SLC26A4: variants seen among roughly 807,000 people sequenced by gnomAD.
SLC26A4 encodes the protein solute carrier family 26 member 4, also known as pendrin.
In SLC26A4, 93 loss-of-function variants were observed where a neutral mutation model predicts 90.4. That is an observed-to-expected ratio of 1.03 (90% CI 0.87 to 1.22). SLC26A4 has a LOEUF of 1.22. Among genes scored for constraint, SLC26A4 ranks in the 50% most tolerant of loss-of-function variants. SLC26A4 has a pLI of 0.00. For synonymous variants in SLC26A4, 393 were observed against 354.6 expected (o/e 1.11, Z -1.22); for missense variants, 1,127 against 946.2 (o/e 1.19, Z -2.51).
At chr7:107,694,881 T>C (rs140092905) in intron 12 of SLC26A4, among the ~76,000 whole-genome samples, 165 bp downstream of exon 12, 10 of 152,310 alleles carry the variant, frequency 6.6e-5, no homozygotes, top group African/African-American at 2.2e-4. Context: ...AAGTCTTCCA[T>C]GTGAACTGCA....
In SLC26A4 at chr7:107,661,665, G is replaced by A. The variant is rs1415032673; in HGVS notation, c.24G>A (p.Ser8=). The change falls in exon 2 of 21, where the codon TCG becomes TCA. Residue 8 remains serine (S), a synonymous_variant. Transcript: ENST00000644269. This position sits in a 1 kb window ranked among gnomAD's most constrained non-coding sequence, Gnocchi z 5.1. ...TCATGGCAGCGCCAGGCGGCAGGTC[G>A]GAGCCGCCGCAGCTCCCCGAGTACA... MAAPGGR[S]EPPQLPEYSC... is the part of the protein sequence containing the mutation. The A allele has an allele frequency of 5.7e-6, 9 of 1,568,836 alleles. No homozygotes were observed. The highest frequency in any genetic ancestry group is 7.7e-6 in the Non-Finnish European group (9 of 1,162,758).
At chr7:107,711,867 T>C (rs779200300) in intron 19 of SLC26A4, among the ~76,000 whole-genome samples, 13 of 152,238 alleles carry the variant, frequency 8.5e-5, no homozygotes, top group Non-Finnish European at 1.9e-4. Context: ...ATTCTCATAC[T>C]AGCTAAGAGA....
chr7:107,690,306 G>A (rs951819192), intron 10 of SLC26A4, 69 bp downstream of exon 10: 7 of 946,188 alleles, frequency 7.4e-6, no homozygotes, highest in East Asian at 2.4e-5. Flanking sequence ...AGGAAGGCTC[G>A]CACCGAGCTT....
intron 18 of SLC26A4, among the ~76,000 whole-genome samples, chr7:107,708,948 T>G (rs1792106004): frequency 6.6e-6 from 1 of 152,104 alleles, no homozygotes; most frequent in African/African-American, 2.4e-5. Flanking sequence ...AATGTATGTG[T>G]GTAGGAAAGT....
intron 19 of SLC26A4, among the ~76,000 whole-genome samples, chr7:107,711,259 G>T (rs2129320179): frequency 6.6e-6 from 1 of 152,122 alleles, no homozygotes; most frequent in East Asian, 1.9e-4. Context: ...ACCCATAGGT[G>T]ATAAGAAAGT....
intron 14 of SLC26A4, 110 bp from the exon 15 acceptor site, chr7:107,699,973 C>A: frequency 1.5e-5 from 11 of 745,882 alleles, no homozygotes; most frequent in South Asian, 1.4e-4. Context: ...GTGCTGCTAC[C>A]CAGCTCCTCT....
In SLC26A4 at chr7:107,715,714, AT is replaced by A. The variant is rs1792329014; in HGVS notation, c.*269del. 1.9e-6 allele frequency: 1 copy of A among 524,610 alleles called. No individual in the cohort carries two copies. Among genetic ancestry groups the A allele is most frequent in the Non-Finnish European group, 3.4e-6 (1 of 291,244 alleles). The allele number at this position is 524,610 out of a possible 1,614,324, so 32.5% of individuals were successfully genotyped here. ...GCTGATCTACATCACAGATTTGCTA[AT>A]AATGTTCACGTGGGCCCTGGCATAT... On this transcript the variant is annotated 3_prime_UTR_variant, in exon 21 of 21. Transcript: ENST00000644269.
At chr7:107,702,168 G>A (rs1010401291) in intron 17 of SLC26A4, 111 bp downstream of exon 17, 15 of 755,710 alleles carry the variant, frequency 2.0e-5, no homozygotes, top group Non-Finnish European at 2.8e-5. Flanking sequence ...AATTTTTCTA[G>A]GTGAATGCTT....
chr7:107,711,757 C>T (rs1258659982), intron 19 of SLC26A4, among the ~76,000 whole-genome samples: 1 of 152,148 alleles, frequency 6.6e-6, no homozygotes, highest in Non-Finnish European at 1.5e-5. Context: ...CTTTATTTTA[C>T]CATCACAGGA....
At position 107,661,155 on chromosome 7, in the gene SLC26A4, C is replaced by G. The variant is rs927443768; in HGVS notation, c.-4+300C>G. 5.9e-6 allele frequency: 1 copy of G among 168,794 alleles called. No individual in the cohort carries two copies. The highest frequency in any genetic ancestry group is 1.3e-5 in the Non-Finnish European group (1 of 78,864). 10.5% of individuals were successfully genotyped at this position (168,794 alleles called of 1,614,324 possible). ...CGCCCTGACGGTTCCACGCCTGGCC[C>G]GGGGGTCTGCACCTCTCCTCCAGTG... On this transcript the variant is annotated intron_variant, in intron 1 of 20. Transcript: ENST00000644269. The surrounding 1 kb of genome is among the most constrained non-coding windows in gnomAD (Gnocchi z 5.1).
rs1483760237 is a variant in SLC26A4 at position 107,700,967 on chromosome 7, A to T, written c.1708-134A>T. 605 of 675,986 alleles carry T rather than the reference A, an allele frequency of 8.9e-4. 2 individuals are homozygous for T. Among genetic ancestry groups the T allele is most frequent in the Non-Finnish European group, 7.9e-5 (29 of 365,712 alleles). 41.9% of individuals were successfully genotyped at this position (675,986 alleles called of 1,614,324 possible). A position where few individuals can be genotyped will look rare whatever the true frequency, so the allele number is the denominator to read the frequency against. On this transcript the variant is annotated intron_variant, in intron 15 of 20. Transcript: ENST00000644269. ...AGTAGACAGAGATCTACTCCATCAG[A>T]CCTTACAATTTCTTTTTTGGCAGGA...
At chr7:107,695,623 T>G (rs1383177917) in intron 12 of SLC26A4, among the ~76,000 whole-genome samples, 1 of 152,132 alleles carries the variant, frequency 6.6e-6, no homozygotes, top group Non-Finnish European at 1.5e-5. Flanking sequence ...CGTAACACAG[T>G]GAGACCTTGT....
intron 3 of SLC26A4, among the ~76,000 whole-genome samples, chr7:107,669,061 T>A (rs766494392): frequency 2.0e-5 from 3 of 152,070 alleles, no homozygotes; most frequent in Admixed American, 1.3e-4. Flanking sequence ...GGGTTCAAAC[T>A]ATCCTTGTGC....
intron 4 of SLC26A4, 104 bp downstream of exon 4, chr7:107,672,352 G>T (rs1790894346): frequency 5.7e-6 from 2 of 352,432 alleles, no homozygotes; most frequent in East Asian, 8.3e-5. Flanking sequence ...AGTAATTGCG[G>T]TTTTCACAAT....
At chr7:107,691,830 C>T (rs1456870797) in intron 10 of SLC26A4, 1 of 1,120,810 alleles carries the variant, frequency 8.9e-7, no homozygotes, top group East Asian at 8.6e-5. Flanking sequence ...TAATACAGCT[C>T]ATATCCGGAG....
At chr7:107,690,963 G>A (rs1791550649) in intron 10 of SLC26A4, among the ~76,000 whole-genome samples, 2 of 151,942 alleles carry the variant, frequency 1.3e-5, no homozygotes, top group African/African-American at 2.4e-5. Flanking sequence ...CCAAGCAGAT[G>A]GGCACAAGAG....
At position 107,698,028 on chromosome 7, in the gene SLC26A4, A is replaced by AT. The variant is rs1791786776; in HGVS notation, c.1545-8dup. 1 of 1,577,068 alleles carries AT rather than the reference A, an allele frequency of 6.3e-7. No individual in the cohort carries two copies. Among genetic ancestry groups the AT allele is most frequent in the Non-Finnish European group, 8.7e-7 (1 of 1,146,864 alleles). ...TGTTCCAAAAAATCTTGACCTTGAT[A>AT]TTTTTTCTTCTAGTCCTTCTTGGAA... On this transcript the variant is annotated splice_polypyrimidine_tract_variant and intron_variant, in intron 13 of 20. Transcript: ENST00000644269.
intron 17 of SLC26A4, among the ~76,000 whole-genome samples, chr7:107,704,055 T>A (rs1434254498): frequency 6.6e-6 from 1 of 152,226 alleles, no homozygotes; most frequent in Non-Finnish European, 1.5e-5. Flanking sequence ...AGAAGCCTCC[T>A]GTACTCTCTT....
intron 18 of SLC26A4, among the ~76,000 whole-genome samples, chr7:107,704,588 C>G (rs1161679235): frequency 6.6e-6 from 1 of 151,836 alleles, no homozygotes; most frequent in East Asian, 1.9e-4. Context: ...AGCAGGAGTT[C>G]AGTATTATAC....
Sources: gnomAD v4.1 joint callset for allele counts (sites outside exome capture counted in the v4.1 genomes callset) on GRCh38, gnomAD v4.1.1 for gene constraint, Gnocchi (gnomAD v3.1) non-coding constraint, MANE v1.5 for transcripts, NCBI Gene and HGNC (gene_info 2026-07-23, HGNC 2026-07-21) for gene names.